Variants in FAT3 observed in about 807,000 individuals in gnomAD.
The protein encoded by FAT3 is protocadherin Fat 3.
FAT3 carries 95 observed loss-of-function variants against 310.2 expected under a neutral mutation model. That is an observed-to-expected ratio of 0.31 (90% confidence interval 0.26 to 0.36). The LOEUF is 0.36. Ranked by LOEUF, FAT3 falls within the 10% of genes least tolerant of loss-of-function variation. The pLI is 1.00. For missense variants in FAT3, 5,408 were observed against 5,715.6 expected (o/e 0.95, Z 1.74); for synonymous variants, 2,314 against 2,192.9 (o/e 1.06, Z -1.54).
intron 1 of FAT3, among the ~76,000 whole-genome samples, chr11:92,325,796 T>A (rs1358171080): frequency 1.3e-5 from 2 of 152,144 alleles, no homozygotes; most frequent in African/African-American, 4.8e-5. Context: ...CACGCCCAGC[T>A]AATTTTTGTA....
At chr11:92,438,339 A>C (rs2135061453) in intron 2 of FAT3, among the ~76,000 whole-genome samples, 1 of 152,284 alleles carries the variant, frequency 6.6e-6, no homozygotes, top group Non-Finnish European at 1.5e-5. Context: ...GAGAGGAGTT[A>C]TTTCTTCATT....
At chr11:92,509,446 A>C (rs898955452) in intron 2 of FAT3, among the ~76,000 whole-genome samples, 2 of 152,206 alleles carry the variant, frequency 1.3e-5, no homozygotes, top group South Asian at 2.1e-4. Flanking sequence ...AAAATGACCT[A>C]ATAAGTGACC....
In FAT3 at chr11:92,508,212, G is replaced by A. The variant is rs763580528; in HGVS notation, c.3293-16422G>A. On this transcript the variant is annotated intron_variant, in intron 2 of 27. Coordinates refer to ENST00000525166, the MANE Select transcript of FAT3 (RefSeq NM_001367949.2). Reference sequence around the variant, plus strand: ...CAGGGGATTAAATTTTGCTATTTTGGTCAAAGTTGTCTCTGTGTCATATGT... The same window carrying A: ...CAGGGGATTAAATTTTGCTATTTTGATCAAAGTTGTCTCTGTGTCATATGT... 5.9e-5 allele frequency among the ~76,000 whole-genome samples: 9 copies of A among 152,072 alleles called. 1 individual carries two copies. In the Middle Eastern group the frequency reaches 0.01, roughly 172 times the overall value.
In FAT3 at chr11:92,287,767, A is replaced by T. The variant is rs114556357; in HGVS notation, c.-18+62593A>T. Among the ~76,000 whole-genome samples the T allele has an allele frequency of 6.7e-3, 1,023 of 152,218 alleles. 15 individuals are homozygous for T. Among genetic ancestry groups the T allele is most frequent in the African/African-American group, 0.022 (930 of 41,548 alleles). ...GAAGCCAAGTTCAGCTCTCCAAATG[A>T]TGGCTAGTTCCATGAGAGAGCCAGT... is the stretch of plus-strand genomic sequence containing the variant. On this transcript the variant is annotated intron_variant, in intron 1 of 27. Coordinates refer to ENST00000525166, the MANE Select transcript of FAT3 (RefSeq NM_001367949.2).
chr11:92,228,810 G>C (rs1864028926), intron 1 of FAT3, among the ~76,000 whole-genome samples: 1 of 152,158 alleles, frequency 6.6e-6, no homozygotes, highest in Non-Finnish European at 1.5e-5. Context: ...TTTTCCTCTA[G>C]GGCAAGAAGG....
At chr11:92,362,091 G>C (rs1948895799) in intron 2 of FAT3, among the ~76,000 whole-genome samples, 1 of 152,096 alleles carries the variant, frequency 6.6e-6, no homozygotes, top group Non-Finnish European at 1.5e-5. Flanking sequence ...AAGACTCACA[G>C]GCCCGTGCCT....
At chr11:92,660,960 A>G (rs1405668695) in intron 3 of FAT3, among the ~76,000 whole-genome samples, 1 of 152,250 alleles carries the variant, frequency 6.6e-6, no homozygotes, top group Non-Finnish European at 1.5e-5. Context: ...GAGTTGTATC[A>G]GCAGACCTAG....
At chr11:92,640,173 C>A (rs1295550289) in intron 3 of FAT3, among the ~76,000 whole-genome samples, 1 of 151,978 alleles carries the variant, frequency 6.6e-6, no homozygotes, top group African/African-American at 2.4e-5. Flanking sequence ...TCTGAAGACA[C>A]AAGAGAATCT....
At chr11:92,641,090 G>A (rs1212413866) in intron 3 of FAT3, among the ~76,000 whole-genome samples, 1 of 152,056 alleles carries the variant, frequency 6.6e-6, no homozygotes, top group Non-Finnish European at 1.5e-5. Flanking sequence ...CAGCTACTCG[G>A]GAGGCTGAGG....
intron 4 of FAT3, among the ~76,000 whole-genome samples, chr11:92,750,863 A>G (rs1215981256): frequency 6.6e-6 from 1 of 152,196 alleles, no homozygotes; most frequent in Non-Finnish European, 1.5e-5. Context: ...GGGTTGTTTC[A>G]CCTAGAACAA....
chr11:92,872,413 C>T (rs930007884), intron 22 of FAT3, among the ~76,000 whole-genome samples: 1 of 152,132 alleles, frequency 6.6e-6, no homozygotes, highest in Non-Finnish European at 1.5e-5. Context: ...TACTGAGCTT[C>T]GAGAAGGGAG....
At chr11:92,478,943 T>TC (rs2135183345) in intron 2 of FAT3, among the ~76,000 whole-genome samples, 1 of 61,546 alleles carries the variant, frequency 1.6e-5, no homozygotes, top group African/African-American at 7.4e-5. Context: ...TCTCTTTCTT[T>TC]CTTTCTTTCT....
Position 92,771,620 on chromosome 11 carries a change from C to T in FAT3, c.4196-2421C>T, listed in dbSNP as rs181266887. Among the ~76,000 whole-genome samples, 9 of 152,204 alleles carry T rather than the reference C, an allele frequency of 5.9e-5. 1 individual carries two copies. The highest frequency in any genetic ancestry group is 5.9e-4 in the Admixed American group (9 of 15,284). ...TGAGAGACATAGTTTGTAGGCTCTCCTTCAAATGCTCTTGGCTCTGCTCTT... is the reference window on the plus strand; with the variant it reads ...TGAGAGACATAGTTTGTAGGCTCTCTTTCAAATGCTCTTGGCTCTGCTCTT... On this transcript the variant is annotated intron_variant, in intron 6 of 27. Transcript: ENST00000525166.
intron 3 of FAT3, among the ~76,000 whole-genome samples, chr11:92,585,360 C>T (rs1939080390): frequency 6.6e-6 from 1 of 151,982 alleles, no homozygotes; most frequent in Admixed American, 6.6e-5. Flanking sequence ...AACAGATTTC[C>T]CACTAGTGTG....
intron 1 of FAT3, among the ~76,000 whole-genome samples, chr11:92,315,475 GTGTGTA>G (rs71062099): frequency 4.2e-4 from 32 of 76,648 alleles, no homozygotes; most frequent in African/African-American, 1.7e-3. Flanking sequence ...GTGTGTGTGT[GTGTGTA>G]TATATATATA....
At chr11:92,545,127 G>T (rs1954574532) in intron 3 of FAT3, among the ~76,000 whole-genome samples, 1 of 152,066 alleles carries the variant, frequency 6.6e-6, no homozygotes, top group African/African-American at 2.4e-5. Context: ...CCCCAAGGCT[G>T]TTGCTGTTCC....
chr11:92,765,103 T>C lies in FAT3; in HGVS notation c.4195+14T>C. 1 of 1,607,632 alleles carries C rather than the reference T, an allele frequency of 6.2e-7. No individual in the cohort carries two copies. The highest frequency in any genetic ancestry group is 8.5e-7 in the Non-Finnish European group (1 of 1,176,596). On this transcript the variant is annotated intron_variant, in intron 6 of 27. Coordinates refer to ENST00000525166, the MANE Select transcript of FAT3 (RefSeq NM_001367949.2). Reference sequence around the variant, plus strand: ...TTGACATAGTTGGTAAGTTCGAGTCTTACAGAGCAGTATCATGCAATGTAA... The same window carrying C: ...TTGACATAGTTGGTAAGTTCGAGTCCTACAGAGCAGTATCATGCAATGTAA...
intron 2 of FAT3, among the ~76,000 whole-genome samples, chr11:92,488,773 G>A (rs953596875): frequency 5.9e-5 from 9 of 152,022 alleles, no homozygotes; most frequent in Admixed American, 5.9e-4. Flanking sequence ...GCCTGGATGA[G>A]GAGTCTTTGT....
chr11:92,859,059 C>T, intron 20 of FAT3, 106 bp from the exon 21 acceptor site: 2 of 1,060,898 alleles, frequency 1.9e-6, no homozygotes, highest in Non-Finnish European at 2.6e-6. Context: ...ACTTCTCATG[C>T]ATGGTCTTTA....
Sources: allele counts gnomAD v4.1 joint callset (sites outside exome capture counted in the v4.1 genomes callset), GRCh38; gene constraint gnomAD v4.1.1; transcripts MANE v1.5; gene names NCBI Gene and HGNC (gene_info 2026-07-23, HGNC 2026-07-21).